The following USP25 variants were observed in gnomAD, a reference collection of about 807,000 sequenced individuals.
The protein encoded by USP25 is ubiquitin specific peptidase 25, also known as ubiquitin carboxyl-terminal hydrolase 25.
A neutral mutation model predicts 158.5 loss-of-function variants in USP25; 85 were observed. That is an observed-to-expected ratio of 0.54 (90% CI 0.45 to 0.64). The LOEUF is 0.64. Among genes scored for constraint, USP25 ranks in the 30% least tolerant of loss-of-function variants. The pLI is 0.00. For synonymous variants in USP25, 464 were observed against 460.4 expected, an observed-to-expected ratio of 1.01 and a Z score of -0.10; for missense variants, 1,242 against 1,327.3, an observed-to-expected ratio of 0.94 and a Z score of 1.00.
At chr21:15,841,881 C>T (rs995887359) in intron 17 of USP25, among the ~76,000 whole-genome samples, 2 of 152,080 alleles carry the variant, frequency 1.3e-5, no homozygotes, top group African/African-American at 2.4e-5. Flanking sequence ...TAGGAGATAT[C>T]GTGAATTTTT....
intron 1 of USP25, among the ~76,000 whole-genome samples, chr21:15,743,061 G>A (rs1216384969): frequency 1.3e-5 from 2 of 152,236 alleles, no homozygotes; most frequent in African/African-American, 4.8e-5. Flanking sequence ...GAATGCCACA[G>A]CCCTCTCTTG....
intron 15 of USP25, among the ~76,000 whole-genome samples, chr21:15,830,859 T>C (rs1262883077): frequency 1.3e-5 from 2 of 152,182 alleles, no homozygotes; most frequent in Non-Finnish European, 2.9e-5. Context: ...GTATGTGTTG[T>C]GTACCCTTAC....
intron 4 of USP25, among the ~76,000 whole-genome samples, chr21:15,791,243 G>T (rs551695347): frequency 2.0e-5 from 3 of 151,912 alleles, no homozygotes; most frequent in Admixed American, 2.0e-4. Flanking sequence ...TTGTTGAAAT[G>T]TGATTTATTG....
chr21:15,734,520 T>C (rs1361225470), intron 1 of USP25, among the ~76,000 whole-genome samples: 1 of 152,176 alleles, frequency 6.6e-6, no homozygotes, highest in African/African-American at 2.4e-5. Context: ...TTTTGACTTG[T>C]AGACTCACAT....
intron 5 of USP25, among the ~76,000 whole-genome samples, chr21:15,797,407 A>C (rs1441520374): frequency 2.0e-5 from 3 of 151,482 alleles, no homozygotes; most frequent in Non-Finnish European, 4.4e-5. Context: ...TAAAGGAGCA[A>C]AAACAAGACT....
At chr21:15,874,138 C>G (rs1400137863) in intron 23 of USP25, among the ~76,000 whole-genome samples, 1 of 152,142 alleles carries the variant, frequency 6.6e-6, no homozygotes, top group African/African-American at 2.4e-5. Flanking sequence ...AACTATCTGA[C>G]TTTATCAGTT....
At chr21:15,823,255 T>C (rs1027979064) in intron 10 of USP25, among the ~76,000 whole-genome samples, 1 of 152,052 alleles carries the variant, frequency 6.6e-6, no homozygotes, top group Non-Finnish European at 1.5e-5. Flanking sequence ...TAAATACATA[T>C]GCTTATGTAT....
chr21:15,784,560 G>A (rs962398983), intron 4 of USP25, among the ~76,000 whole-genome samples: 3 of 151,422 alleles, frequency 2.0e-5, no homozygotes, highest in East Asian at 1.9e-4. Flanking sequence ...CAACAAGAGC[G>A]AAACTCTGTT....
At position 15,878,427 on chromosome 21, in the gene USP25, TG is replaced by T; in HGVS notation, c.3331del (p.Ala1111ProfsTer26). 6.2e-7 allele frequency: 1 copy of T among 1,614,100 alleles called. No homozygotes were observed. The highest frequency in any genetic ancestry group is 8.5e-7 in the Non-Finnish European group (1 of 1,179,946). On this transcript the variant is annotated frameshift_variant, in exon 26 of 26. Transcript: ENST00000400183. LOFTEE classifies it high-confidence loss of function. ...YSTHELCERF[A>X]RIMLSLSRTP... ...CCACGCATGAACTCTGTGAGCGATTTGCCCGAATCATGTTGTCCCTCAGTCG... is the reference window on the plus strand; with the variant it reads ...CCACGCATGAACTCTGTGAGCGATTTCCCGAATCATGTTGTCCCTCAGTCG...
intron 4 of USP25, among the ~76,000 whole-genome samples, chr21:15,788,642 T>C (rs535311795): frequency 1.3e-5 from 2 of 152,186 alleles, no homozygotes; most frequent in Non-Finnish European, 2.9e-5. Context: ...TGTAAAATTC[T>C]GGTGATAAAA....
At chr21:15,771,419 A>G (rs1284135498) in intron 3 of USP25, among the ~76,000 whole-genome samples, 3 of 152,130 alleles carry the variant, frequency 2.0e-5, no homozygotes, top group African/African-American at 7.2e-5. Context: ...AAGAGCTCGT[A>G]TTTGTACAGA....
At chr21:15,872,802 A>T (rs2039948326) in intron 23 of USP25, among the ~76,000 whole-genome samples, 1 of 152,096 alleles carries the variant, frequency 6.6e-6, no homozygotes, top group Non-Finnish European at 1.5e-5. Flanking sequence ...AACATTTGGG[A>T]TGTGGAATGG....
chr21:15,834,672 C>T (rs2037975044), intron 17 of USP25, among the ~76,000 whole-genome samples: 1 of 152,172 alleles, frequency 6.6e-6, no homozygotes, highest in Non-Finnish European at 1.5e-5. Context: ...AGATACTTAA[C>T]TTATTTTCAT....
chr21:15,766,064 A>G lies in USP25; in HGVS notation c.191A>G (p.Gln64Arg). ...LTAKNAKTPQQEETTYYQTAL... is the reference protein window; with the variant it reads ...LTAKNAKTPQREETTYYQTAL... ...GCGAAGAATGCTAAGACCCCTCAGCAGGAGGAGACAACTTACTACCAAACA... is the reference window on the plus strand; with the variant it reads ...GCGAAGAATGCTAAGACCCCTCAGCGGGAGGAGACAACTTACTACCAAACA... The change falls in exon 3 of 26, where the codon CAG (glutamine) becomes CGG (arginine). Residue 64 changes from glutamine to arginine, a missense_variant. Physicochemically the swap from Gln to Arg is conservative, Grantham distance 43. Transcript: ENST00000400183. This position sits in a 1 kb window ranked among gnomAD's most constrained non-coding sequence, Gnocchi z 4.0. 1.2e-6 allele frequency: 2 copies of G among 1,611,074 alleles called. No individual in the cohort carries two copies. Among genetic ancestry groups the G allele is most frequent in the Middle Eastern group, 1.7e-4 (1 of 6,040 alleles).
Position 15,842,407 on chromosome 21 carries a change from C to T in USP25, c.2204C>T (p.Ala735Val), listed in dbSNP as rs371864171. The T allele has an allele frequency of 5.0e-6, 8 of 1,613,230 alleles. No individual in the cohort carries two copies. The highest frequency in any genetic ancestry group is 6.8e-6 in the Non-Finnish European group (8 of 1,179,618). Residue 735 changes from alanine (A) to valine (V), a missense_variant, in exon 18 of 26, where the codon GCA becomes GTA. By Grantham distance (64) the Ala-to-Val change is moderately conservative. Coordinates refer to ENST00000400183, the MANE Select transcript of USP25 (RefSeq NM_001283041.3). ...TTCTTTTCTCATGAAGCACAAGCAG[C>T]AGGAGACCCAGAATATCTAGAGCAG... is the stretch of plus-strand genomic sequence containing the variant. ...SETSVTTAQA[A>V]GDPEYLEQPS... is the part of the protein sequence containing the mutation.
At position 15,826,370 on chromosome 21, in the gene USP25, A is replaced by G; in HGVS notation, c.1466+5A>G. The stretch of plus-strand genomic sequence containing the variant: ...ACCATCACAGACATTACCAAGGTAA[A>G]AAGTAATCCTGATGCAAGAGACAGT... On this transcript the variant is annotated splice_donor_5th_base_variant and intron_variant, in intron 13 of 25. Coordinates refer to ENST00000400183, the MANE Select transcript of USP25 (RefSeq NM_001283041.3). This position sits in a 1 kb window ranked among gnomAD's most constrained non-coding sequence, Gnocchi z 4.8. The G allele has an allele frequency of 6.2e-7, 1 of 1,613,662 alleles. No homozygotes were observed. The highest frequency in any genetic ancestry group is 8.5e-7 in the Non-Finnish European group (1 of 1,179,790).
chr21:15,854,340 T>TTA (rs1357159807), intron 20 of USP25, among the ~76,000 whole-genome samples: 4 of 152,082 alleles, frequency 2.6e-5, no homozygotes. Flanking sequence ...GAGACGGGGT[T>TTA]TCACCATATT....
intron 24 of USP25, 61 bp downstream of exon 24, chr21:15,874,587 G>T: frequency 6.7e-7 from 1 of 1,497,052 alleles, no homozygotes. Flanking sequence ...AAGTTTTCCA[G>T]ACTCATATAT....
intron 10 of USP25, among the ~76,000 whole-genome samples, chr21:15,823,555 G>A (rs190667811): frequency 2.0e-3 from 297 of 152,122 alleles, no homozygotes; most frequent in African/African-American, 6.6e-3. Context: ...AGCTAAAACA[G>A]GAAAACACCA....
Sources: allele counts gnomAD v4.1 joint callset (sites outside exome capture counted in the v4.1 genomes callset), GRCh38; gene constraint gnomAD v4.1.1; non-coding constraint Gnocchi (gnomAD v3.1); transcripts MANE v1.5; gene names NCBI Gene and HGNC (gene_info 2026-07-23, HGNC 2026-07-21).